The following PRKAR1B variants were observed in gnomAD, a reference collection of about 807,000 sequenced individuals.
The protein encoded by PRKAR1B is cAMP-dependent protein kinase type I-beta regulatory subunit.
In PRKAR1B, 22 loss-of-function variants were observed where a neutral mutation model predicts 46.5. The observed-to-expected ratio is 0.47, with a 90% confidence interval of 0.34 to 0.68. The LOEUF (loss-of-function observed/expected upper bound fraction) is 0.68, where lower values mean the gene tolerates loss of function less well. Among genes scored for constraint, PRKAR1B ranks in the 30% least tolerant of loss-of-function variants. PRKAR1B has a pLI of 0.01. For missense variants in PRKAR1B, 445 were observed against 535.6 expected (o/e 0.83, Z 1.67); for synonymous variants, 259 against 217.7 (o/e 1.19, Z -1.67).
intron 2 of PRKAR1B, among the ~76,000 whole-genome samples, chr7:699,740 G>A (rs1045240219): frequency 6.6e-6 from 1 of 152,294 alleles, no homozygotes; most frequent in African/African-American, 2.4e-5. Flanking sequence ...CGGAGCCCGT[G>A]GGTGGCCATG....
chr7:684,340 C>T (rs1316338156), intron 2 of PRKAR1B, among the ~76,000 whole-genome samples: 1 of 152,212 alleles, frequency 6.6e-6, no homozygotes, highest in African/African-American at 2.4e-5. Context: ...CTTGACGGAG[C>T]TTCCCCAAAA....
chr7:573,974 C>G (rs866105161), intron 9 of PRKAR1B, among the ~76,000 whole-genome samples: 1 of 152,226 alleles, frequency 6.6e-6, no homozygotes, highest in African/African-American at 2.4e-5. Flanking sequence ...GCTCCCAGGA[C>G]GCCCGGCACA....
intron 4 of PRKAR1B, among the ~76,000 whole-genome samples, chr7:668,049 G>C (rs1326026549): frequency 6.6e-6 from 1 of 152,200 alleles, no homozygotes; most frequent in Non-Finnish European, 1.5e-5. Context: ...AAGTCACACA[G>C]CCTGTGATGA....
intron 2 of PRKAR1B, among the ~76,000 whole-genome samples, chr7:697,554 C>A (rs762316609): frequency 3.9e-5 from 6 of 152,086 alleles, no homozygotes; most frequent in Non-Finnish European, 8.8e-5. Flanking sequence ...GTTCCATGAG[C>A]GGCCCTAAGA....
chr7:715,391 G>C lies in PRKAR1B; in HGVS notation c.-22-3864C>G, dbSNP rs552732992. ...TCAGAGGAGCTGCGCTTGGTCATCG[G>C]ACCACGTGGACCTCAACAGGTCGGT... On this transcript the variant is annotated intron_variant, in intron 1 of 10. Transcript: ENST00000537384. 2.0e-5 allele frequency among the ~76,000 whole-genome samples: 3 copies of C among 152,150 alleles called. No individual in the cohort carries two copies. In the South Asian group the frequency reaches 6.2e-4, roughly 32 times the overall value.
At chr7:691,199 G>A (rs1382359318) in intron 2 of PRKAR1B, among the ~76,000 whole-genome samples, 3 of 151,442 alleles carry the variant, frequency 2.0e-5, no homozygotes, top group Non-Finnish European at 4.4e-5. Flanking sequence ...CTACCCAAAG[G>A]GTCCTGTGCC....
At chr7:604,686 C>T (rs994336253) in intron 6 of PRKAR1B, among the ~76,000 whole-genome samples, 2 of 152,328 alleles carry the variant, frequency 1.3e-5, no homozygotes, top group East Asian at 1.9e-4. Context: ...ACAGACTCCG[C>T]GGCTGCCACG....
At chr7:657,258 T>TGGACGGAC (rs112672903) in intron 4 of PRKAR1B, among the ~76,000 whole-genome samples, 1 of 125,066 alleles carries the variant, frequency 8.0e-6, no homozygotes. Flanking sequence ...GATGGATGAA[T>TGGACGGAC]GGACGGACGG....
chr7:702,249 G>C (rs1265810326), intron 2 of PRKAR1B, among the ~76,000 whole-genome samples: 1 of 151,188 alleles, frequency 6.6e-6, no homozygotes, highest in Non-Finnish European at 1.5e-5. Flanking sequence ...AAAAAAGACA[G>C]TAAGTACTAA....
chr7:706,421 A>ATT (rs1160657223), intron 2 of PRKAR1B, among the ~76,000 whole-genome samples: 1 of 86,982 alleles, frequency 1.1e-5, no homozygotes, highest in African/African-American at 4.6e-5. Flanking sequence ...TCAAATAAGG[A>ATT]ATTTTTTTTT....
At chr7:645,900 C>T (rs188913915) in intron 4 of PRKAR1B, among the ~76,000 whole-genome samples, 1 of 152,172 alleles carries the variant, frequency 6.6e-6, no homozygotes, top group Admixed American at 6.5e-5. Context: ...CCGATCTGGT[C>T]CCTGTTTTCA....
intron 4 of PRKAR1B, among the ~76,000 whole-genome samples, chr7:636,867 C>T (rs972593693): frequency 1.3e-5 from 2 of 152,224 alleles, no homozygotes; most frequent in Non-Finnish European, 2.9e-5. Flanking sequence ...GTGTCTGCAA[C>T]TTCCTCAACA....
intron 4 of PRKAR1B, among the ~76,000 whole-genome samples, chr7:619,261 G>A (rs935661043): frequency 2.6e-5 from 4 of 152,292 alleles, no homozygotes; most frequent in South Asian, 2.1e-4. Flanking sequence ...GCCCTCAGGG[G>A]GAACCAGCCC....
chr7:602,883 G>A lies in PRKAR1B; in HGVS notation c.549+3310C>T, dbSNP rs183773908. The stretch of plus-strand genomic sequence containing the variant: ...ACACAAGGGCCTGGGCAAAGGTCAC[G>A]GCCAGCAAAGAACACAGCCTGGGTC... On this transcript the variant is annotated intron_variant, in intron 6 of 10. Transcript: ENST00000537384. The surrounding 1 kb of genome is among the most constrained non-coding windows in gnomAD (Gnocchi z 6.4). Among the ~76,000 whole-genome samples the A allele has an allele frequency of 6.6e-5, 10 of 152,266 alleles. No individual in the cohort carries two copies. The East Asian group carries it at 1.4e-3, about 21-fold the overall frequency.
chr7:562,808 C>G (rs1319700430), intron 9 of PRKAR1B, among the ~76,000 whole-genome samples: 1 of 152,218 alleles, frequency 6.6e-6, no homozygotes, highest in Admixed American at 6.5e-5. Flanking sequence ...TCCATGCCCC[C>G]CAACCATGAC....
chr7:707,501 G>T (rs1334886699), intron 2 of PRKAR1B, among the ~76,000 whole-genome samples: 1 of 152,142 alleles, frequency 6.6e-6, no homozygotes, highest in Non-Finnish European at 1.5e-5. Flanking sequence ...GCCCAAGAAG[G>T]CCGCTGGGAT....
chr7:653,570 G>A (rs1785024322), intron 4 of PRKAR1B, among the ~76,000 whole-genome samples: 1 of 152,106 alleles, frequency 6.6e-6, no homozygotes. Flanking sequence ...CTTAGTCTTG[G>A]GTTACCTGAT....
At chr7:616,207 C>T (rs902042058) in intron 4 of PRKAR1B, among the ~76,000 whole-genome samples, 3 of 152,336 alleles carry the variant, frequency 2.0e-5, no homozygotes, top group African/African-American at 7.2e-5. Flanking sequence ...CAGGTCCTGG[C>T]CCCCTGTGCT....
chr7:561,059 T>C (rs534103655), intron 9 of PRKAR1B, among the ~76,000 whole-genome samples: 1 of 152,026 alleles, frequency 6.6e-6, no homozygotes, highest in African/African-American at 2.4e-5. Flanking sequence ...TGCATATTTG[T>C]GCACGCAAAC....
Sources: allele counts gnomAD v4.1 joint callset (sites outside exome capture counted in the v4.1 genomes callset), GRCh38; gene constraint gnomAD v4.1.1; non-coding constraint Gnocchi (gnomAD v3.1); transcripts MANE v1.5; gene names NCBI Gene and HGNC (gene_info 2026-07-23, HGNC 2026-07-21).